The following PCDHA9 variants were observed in gnomAD, a reference collection of about 807,000 sequenced individuals.
PCDHA9 encodes protocadherin alpha 9.
Under a neutral mutation model 62.0 loss-of-function variants are expected in PCDHA9, and 62 were observed. That is an observed-to-expected ratio of 1.00 (90% CI 0.81 to 1.23). The LOEUF is 1.23. PCDHA9 is among the 50% of genes most tolerant of loss of function. The probability of loss-of-function intolerance (pLI) is 0.00; values close to 1 mark genes in which losing one functional copy is unlikely to be tolerated. For missense variants in PCDHA9, 1,205 were observed against 1,249.8 expected, an observed-to-expected ratio of 0.96 and a Z score of 0.54; for synonymous variants, 557 against 567.6, an observed-to-expected ratio of 0.98 and a Z score of 0.27.
At chr5:140,993,460 T>A (rs1416332490) in intron 3 of PCDHA9, among the ~76,000 whole-genome samples, 1 of 104,506 alleles carries the variant, frequency 9.6e-6, no homozygotes, top group Non-Finnish European at 1.9e-5. Context: ...CTTCTTTCTT[T>A]CTCACACACA....
chr5:140,935,016 T>C (rs997789296), intron 1 of PCDHA9, among the ~76,000 whole-genome samples: 6 of 152,322 alleles, frequency 3.9e-5, no homozygotes, highest in Admixed American at 6.5e-5. Flanking sequence ...TGAGTCTTAA[T>C]AGTCTTTTGA....
At chr5:140,979,055 T>A (rs2096833782) in intron 2 of PCDHA9, 48 bp downstream of exon 2, 1 of 1,607,848 alleles carries the variant, frequency 6.2e-7, no homozygotes, top group Non-Finnish European at 8.5e-7. Flanking sequence ...TAACTTGGTA[T>A]GGCTCAGATA....
Position 140,904,868 on chromosome 5 carries a change from C to T in PCDHA9, c.2394+53979C>T, listed in dbSNP as rs188578381. 2.9e-3 allele frequency among the ~76,000 whole-genome samples: 446 copies of T among 152,022 alleles called. 2 individuals are homozygous for T. Among genetic ancestry groups the T allele is most frequent in the Middle Eastern group, 0.014 (4 of 294 alleles). Reference sequence around the variant, plus strand: ...TCTTCTGAGAATTGTCTGTTTATGTCCTTAGCTCACTTTTTGATGGGATTT... The same window carrying T: ...TCTTCTGAGAATTGTCTGTTTATGTTCTTAGCTCACTTTTTGATGGGATTT... On this transcript the variant is annotated intron_variant, in intron 1 of 3. Transcript: ENST00000532602.
chr5:140,863,392 C>A (rs782692076), intron 1 of PCDHA9: 3 of 921,584 alleles, frequency 3.3e-6, no homozygotes, highest in Non-Finnish European at 3.4e-6. Context: ...CTCGTGCATG[C>A]CGGGCAAGCC....
At position 140,951,793 on chromosome 5, in the gene PCDHA9, C is replaced by T. The variant is rs536005204; in HGVS notation, c.2395-27156C>T. 5.3e-5 allele frequency among the ~76,000 whole-genome samples: 8 copies of T among 152,244 alleles called. No homozygotes were observed. The South Asian group carries it at 1.7e-3, about 32-fold the overall frequency. On this transcript the variant is annotated intron_variant, in intron 1 of 3. Coordinates refer to ENST00000532602, the MANE Select transcript of PCDHA9 (RefSeq NM_031857.2). ...TTCTTACATTGCAAAATACAATTAT[C>T]CCTTCCCAATGGTCCCTCAAAGTCT...
intron 1 of PCDHA9, among the ~76,000 whole-genome samples, chr5:140,937,898 T>C (rs11950543): frequency 0.02 from 2,906 of 145,270 alleles, 39 homozygotes; most frequent in East Asian, 0.058. Flanking sequence ...GGCGACAGAG[T>C]GAGACTCCGT....
chr5:140,985,007 G>A (rs1349447884), intron 3 of PCDHA9, among the ~76,000 whole-genome samples: 2 of 151,706 alleles, frequency 1.3e-5, no homozygotes, highest in African/African-American at 4.8e-5. Flanking sequence ...GCACGATATC[G>A]GCTCACAGCA....
At chr5:140,943,592 T>C (rs900549060) in intron 1 of PCDHA9, among the ~76,000 whole-genome samples, 2 of 152,152 alleles carry the variant, frequency 1.3e-5, no homozygotes, top group African/African-American at 2.4e-5. Flanking sequence ...TGGGGCTGAA[T>C]TCTAAATATA....
At chr5:140,880,369 G>A (rs1055944264) in intron 1 of PCDHA9, among the ~76,000 whole-genome samples, 4 of 152,210 alleles carry the variant, frequency 2.6e-5, no homozygotes, top group African/African-American at 9.7e-5. Context: ...TGAAAACCAT[G>A]AGAGAATAGA....
At position 140,965,675 on chromosome 5, in the gene PCDHA9, A is replaced by G. The variant is rs1049081993; in HGVS notation, c.2395-13274A>G. ...AAATGTCTTGGGTGATAAATGTAAA[A>G]GATTTGAAGCAAGATTAGAAAAAGC... On this transcript the variant is annotated intron_variant, in intron 1 of 3. Transcript: ENST00000532602. Among the ~76,000 whole-genome samples, 4 of 152,350 alleles carry G rather than the reference A, an allele frequency of 2.6e-5. No homozygotes were observed. The East Asian group carries it at 7.7e-4, about 29-fold the overall frequency.
intron 1 of PCDHA9, chr5:140,864,741 C>T (rs1031120106): frequency 1.1e-4 from 17 of 151,978 alleles, no homozygotes; most frequent in Admixed American, 3.3e-4. Flanking sequence ...CTTTGAGCAC[C>T]GATTATACTC....
intron 3 of PCDHA9, among the ~76,000 whole-genome samples, chr5:140,989,362 G>A (rs1264795948): frequency 6.6e-6 from 1 of 152,176 alleles, no homozygotes; most frequent in African/African-American, 2.4e-5. Context: ...GGTCACCTGT[G>A]TGACTGAGAG....
chr5:140,927,218 A>T, intron 1 of PCDHA9: 1 of 1,614,090 alleles, frequency 6.2e-7, no homozygotes, highest in Non-Finnish European at 8.5e-7. Flanking sequence ...GAGCTGCACA[A>T]GATTCGGATT....
chr5:140,941,251 C>CT (rs1177440606), intron 1 of PCDHA9, among the ~76,000 whole-genome samples: 1 of 121,786 alleles, frequency 8.2e-6, no homozygotes, highest in Non-Finnish European at 1.8e-5. Context: ...TTCTTTCTTT[C>CT]TTTCTCTTTC....
At chr5:140,922,255 A>C (rs1415394722) in intron 1 of PCDHA9, among the ~76,000 whole-genome samples, 2 of 152,256 alleles carry the variant, frequency 1.3e-5, no homozygotes, top group Non-Finnish European at 2.9e-5. Flanking sequence ...ATAAGTTACT[A>C]AGTGCCATGA....
At chr5:140,863,142 G>C (rs782245937) in intron 1 of PCDHA9, 1 of 609,728 alleles carries the variant, frequency 1.6e-6, no homozygotes. Flanking sequence ...TGCTGGTGCT[G>C]GTGAAGGACC....
intron 1 of PCDHA9, among the ~76,000 whole-genome samples, chr5:140,932,800 C>A (rs1041924506): frequency 6.6e-6 from 1 of 151,684 alleles, no homozygotes; most frequent in Non-Finnish European, 1.5e-5. Context: ...AAAAGCAATA[C>A]CTTGGAAACA....
chr5:140,884,988 ATGTT>A (rs1398620689), intron 1 of PCDHA9, among the ~76,000 whole-genome samples: 1 of 152,242 alleles, frequency 6.6e-6, no homozygotes, highest in Non-Finnish European at 1.5e-5. Context: ...CATTTAGAAA[ATGTT>A]TGTTTTAATG....
chr5:140,978,911 T>C, intron 1 of PCDHA9, 38 bp from the exon 2 acceptor site: 1 of 1,613,856 alleles, frequency 6.2e-7, no homozygotes, highest in Non-Finnish European at 8.5e-7. Context: ...AACATTGTCT[T>C]GTCATTTTAA....
Sources: allele counts gnomAD v4.1 joint callset (sites outside exome capture counted in the v4.1 genomes callset), GRCh38; gene constraint gnomAD v4.1.1; transcripts MANE v1.5; gene names NCBI Gene and HGNC (gene_info 2026-07-23, HGNC 2026-07-21).